INSC: variants seen among roughly 807,000 people sequenced by gnomAD.
INSC encodes protein inscuteable homolog.
INSC carries 67 observed loss-of-function variants against 58.6 expected under a neutral mutation model. The ratio of observed to expected loss-of-function variants is 1.14; its 90% CI spans 0.94 to 1.40. INSC has a LOEUF of 1.40. Among genes scored for constraint, INSC ranks in the 40% most tolerant of loss-of-function variants. The pLI, the probability that INSC is intolerant of heterozygous loss-of-function variation, is 0.00. For missense variants in INSC, 714 were observed against 692.0 expected (o/e 1.03, Z -0.36); for synonymous variants, 262 against 276.1 (o/e 0.95, Z 0.51).
upstream of INSC, among the ~76,000 whole-genome samples, chr11:15,113,535 T>G (rs1437034773): frequency 6.6e-6 from 1 of 152,162 alleles, no homozygotes; most frequent in Non-Finnish European, 1.5e-5. Flanking sequence ...TCTGTAAGAC[T>G]GTGGTTTCAG....
intron 2 of INSC, among the ~76,000 whole-genome samples, chr11:15,160,507 A>G (rs1413740849): frequency 1.3e-5 from 2 of 152,202 alleles, no homozygotes; most frequent in Non-Finnish European, 2.9e-5. Flanking sequence ...GCTCCTAATC[A>G]GGTGTTCTTG....
At chr11:15,225,158 A>G (rs1394865309) in intron 8 of INSC, among the ~76,000 whole-genome samples, 1 of 152,150 alleles carries the variant, frequency 6.6e-6, no homozygotes, top group African/African-American at 2.4e-5. Context: ...TCTTCCCTTA[A>G]GGTCTCAGCT....
chr11:15,253,517 A>G, the INSC span, among the ~76,000 whole-genome samples: 1 of 152,104 alleles, frequency 6.6e-6, no homozygotes, highest in Non-Finnish European at 1.5e-5. Flanking sequence ...ACAAACTCAT[A>G]GTGTGGAAAG....
upstream of INSC, among the ~76,000 whole-genome samples, chr11:15,114,718 C>CT (rs1340685303): frequency 2.0e-5 from 3 of 152,108 alleles, no homozygotes; most frequent in Non-Finnish European, 2.9e-5. Context: ...TTTCCCCCCC[C>CT]AGGGGCACCG....
intron 3 of INSC, 87 bp from the exon 4 acceptor site, chr11:15,177,024 T>C: frequency 7.0e-6 from 7 of 1,003,944 alleles, no homozygotes; most frequent in Non-Finnish European, 1.1e-5. Context: ...TGATTCTTCA[T>C]GTTTAATGTC....
At chr11:15,263,186 G>T in the INSC span, among the ~76,000 whole-genome samples, 1 of 152,054 alleles carries the variant, frequency 6.6e-6, no homozygotes, top group East Asian at 1.9e-4. Flanking sequence ...AGTACTTGTG[G>T]GCAATATAGA....
chr11:15,211,926 A>G (rs1851040678), intron 7 of INSC, among the ~76,000 whole-genome samples: 1 of 151,692 alleles, frequency 6.6e-6, no homozygotes, highest in Non-Finnish European at 1.5e-5. Flanking sequence ...CCTATAGTCT[A>G]ATACATTTTT....
chr11:15,112,703 G>A (rs1847598717), upstream of INSC: 1 of 570,528 alleles, frequency 1.8e-6, no homozygotes, highest in Admixed American at 3.7e-5. Flanking sequence ...AACCAAGTCT[G>A]TTCCTCTCTT....
At chr11:15,155,799 A>T (rs570057516) in intron 2 of INSC, among the ~76,000 whole-genome samples, 4 of 152,274 alleles carry the variant, frequency 2.6e-5, no homozygotes, top group Admixed American at 2.6e-4. Flanking sequence ...AAGAATAGGC[A>T]TAGATTTCCA....
intron 1 of INSC, among the ~76,000 whole-genome samples, chr11:15,126,409 A>G (rs960580516): frequency 3.9e-5 from 6 of 152,198 alleles, no homozygotes; most frequent in African/African-American, 1.4e-4. Flanking sequence ...GAACACAGAG[A>G]AGACTGGGTT....
intron 5 of INSC, among the ~76,000 whole-genome samples, chr11:15,180,692 G>GT (rs887258434): frequency 1.1e-5 from 1 of 91,172 alleles, no homozygotes; most frequent in African/African-American, 4.6e-5. Context: ...TGAGGGGGGG[G>GT]GCGGGGGGGG....
the INSC span, among the ~76,000 whole-genome samples, chr11:15,254,068 G>T: frequency 6.6e-6 from 1 of 152,178 alleles, no homozygotes; most frequent in Non-Finnish European, 1.5e-5. Flanking sequence ...CCTACATGGA[G>T]TCATTTTACC....
chr11:15,217,075 T>C (rs982448597), intron 7 of INSC, among the ~76,000 whole-genome samples: 1 of 152,078 alleles, frequency 6.6e-6, no homozygotes, highest in African/African-American at 2.4e-5. Context: ...CACATTGCTG[T>C]AAGGACATAT....
chr11:15,268,987 C>T, the INSC span, among the ~76,000 whole-genome samples: 1 of 151,938 alleles, frequency 6.6e-6, no homozygotes, highest in Non-Finnish European at 1.5e-5. Context: ...GTTATTGATA[C>T]AGAGAAATAC....
At chr11:15,225,899 A>T in intron 9 of INSC, 71 bp downstream of exon 9, 1 of 1,474,602 alleles carries the variant, frequency 6.8e-7, no homozygotes, top group Non-Finnish European at 9.2e-7. Flanking sequence ...GCCAGCACGT[A>T]GTTTCTGAGG....
intron 5 of INSC, among the ~76,000 whole-genome samples, chr11:15,188,836 C>A (rs1260497916): frequency 6.6e-6 from 1 of 152,090 alleles, no homozygotes; most frequent in African/African-American, 2.4e-5. Flanking sequence ...GTACAGGACC[C>A]CAATATGTGA....
At chr11:15,205,076 T>C (rs1850745521) in intron 7 of INSC, among the ~76,000 whole-genome samples, 1 of 152,188 alleles carries the variant, frequency 6.6e-6, no homozygotes, top group African/African-American at 2.4e-5. Flanking sequence ...TCTTCATTCC[T>C]TCTGTTTGCC....
chr11:15,179,350 T>C (rs1849681872), intron 5 of INSC, among the ~76,000 whole-genome samples: 1 of 152,242 alleles, frequency 6.6e-6, no homozygotes, highest in Non-Finnish European at 1.5e-5. Flanking sequence ...TATTTATAGT[T>C]ACAGAAATAT....
At chr11:15,241,414 G>T (rs1156254265) in intron 12 of INSC, among the ~76,000 whole-genome samples, 1 of 152,198 alleles carries the variant, frequency 6.6e-6, no homozygotes, top group East Asian at 1.9e-4. Context: ...TGGGCGTTGT[G>T]CCGTTGTAGA....
Sources: gnomAD v4.1 joint callset for allele counts (sites outside exome capture counted in the v4.1 genomes callset) on GRCh38, gnomAD v4.1.1 for gene constraint, MANE v1.5 for transcripts, NCBI Gene and HGNC (gene_info 2026-07-23, HGNC 2026-07-21) for gene names.